The following CALCR variants were observed in gnomAD, a reference collection of about 807,000 sequenced individuals.
The protein encoded by CALCR is calcitonin receptor.
CALCR carries 47 observed loss-of-function variants against 59.5 expected under a neutral mutation model. The ratio of observed to expected loss-of-function variants is 0.79; its 90% CI spans 0.63 to 1.01. The LOEUF (loss-of-function observed/expected upper bound fraction) is 1.01, where lower values mean the gene tolerates loss of function less well. Ranked by LOEUF, CALCR falls within the 50% of genes least tolerant of loss-of-function variation. CALCR has a pLI of 0.00. For synonymous variants in CALCR, 213 were observed against 211.3 expected, an observed-to-expected ratio of 1.01 and a Z score of -0.07; for missense variants, 566 against 597.1, an observed-to-expected ratio of 0.95 and a Z score of 0.54.
At chr7:93,476,268 CT>C (rs1800663962) in intron 5 of CALCR, among the ~76,000 whole-genome samples, 1 of 151,780 alleles carries the variant, frequency 6.6e-6, no homozygotes, top group Non-Finnish European at 1.5e-5. Flanking sequence ...ATGTCAGCCT[CT>C]TTTGAATTTC....
intron 2 of CALCR, among the ~76,000 whole-genome samples, chr7:93,487,377 A>C (rs990130531): frequency 6.6e-6 from 1 of 151,522 alleles, no homozygotes; most frequent in African/African-American, 2.4e-5. Flanking sequence ...AAGTCACCTC[A>C]CTGGACATGA....
intron 8 of CALCR, among the ~76,000 whole-genome samples, chr7:93,460,595 A>ATATATATATATATATATATATATATG (rs1800310231): frequency 5.5e-4 from 43 of 77,786 alleles, no homozygotes; most frequent in Non-Finnish European, 8.8e-4. Context: ...ATATATATGT[A>ATATATATATATATATATATATATATG]TATATATATA....
intron 2 of CALCR, among the ~76,000 whole-genome samples, chr7:93,505,687 CT>C (rs1376300125): frequency 6.6e-6 from 1 of 152,148 alleles, no homozygotes; most frequent in East Asian, 1.9e-4. Flanking sequence ...TAAGCCATGT[CT>C]ACAAAATAGG....
At chr7:93,448,943 T>C (rs1205266951) in intron 8 of CALCR, among the ~76,000 whole-genome samples, 1 of 151,972 alleles carries the variant, frequency 6.6e-6, no homozygotes, top group Non-Finnish European at 1.5e-5. Flanking sequence ...GTTTCTTTAG[T>C]TACTAGAGGG....
At chr7:93,485,848 AC>A (rs1313667166) in intron 3 of CALCR, among the ~76,000 whole-genome samples, 1 of 151,672 alleles carries the variant, frequency 6.6e-6, no homozygotes, top group Non-Finnish European at 1.5e-5. Flanking sequence ...AATAAGTTAT[AC>A]TCATTATCCA....
chr7:93,551,156 T>TA (rs1789446493), intron 2 of CALCR, among the ~76,000 whole-genome samples: 3 of 152,330 alleles, frequency 2.0e-5, no homozygotes, highest in African/African-American at 7.2e-5. Context: ...ACACTATGTA[T>TA]AAAAGCAAGT....
chr7:93,498,374 G>C (rs1475794044), intron 2 of CALCR, among the ~76,000 whole-genome samples: 1 of 151,570 alleles, frequency 6.6e-6, no homozygotes, highest in East Asian at 1.9e-4. Context: ...TCAGAATTGT[G>C]TGCAGTTCAG....
At chr7:93,507,231 AAC>A (rs34181575) in intron 2 of CALCR, among the ~76,000 whole-genome samples, 58,383 of 149,336 alleles carry the variant, frequency 0.39, 11,893 homozygotes, top group African/African-American at 0.52. Context: ...TTCCTTGTTG[AAC>A]ACACACACAC....
chr7:93,543,270 G>A (rs1421785732), intron 2 of CALCR, among the ~76,000 whole-genome samples: 2 of 152,054 alleles, frequency 1.3e-5, no homozygotes, highest in Non-Finnish European at 2.9e-5. Context: ...TCAGCCTCCA[G>A]AGCAGCTGAG....
At chr7:93,459,242 G>GAGATTTGATTA (rs1800269149) in intron 8 of CALCR, among the ~76,000 whole-genome samples, 1 of 152,114 alleles carries the variant, frequency 6.6e-6, no homozygotes, top group Non-Finnish European at 1.5e-5. Flanking sequence ...GTGTTACTAA[G>GAGATTTGATTA]CCCTCACTGA....
chr7:93,565,572 A>G (rs909660506), intron 2 of CALCR, among the ~76,000 whole-genome samples: 1 of 152,230 alleles, frequency 6.6e-6, no homozygotes, highest in Admixed American at 6.5e-5. Context: ...GAAGCCACCC[A>G]GTAAATTTTT....
intron 2 of CALCR, among the ~76,000 whole-genome samples, chr7:93,539,726 G>A (rs574262879): frequency 6.6e-6 from 1 of 152,132 alleles, no homozygotes; most frequent in Non-Finnish European, 1.5e-5. Context: ...AATGGGGAAA[G>A]GCAGAGCATT....
chr7:93,457,007 C>T lies in CALCR; in HGVS notation c.648+3814G>A, dbSNP rs565155956. On this transcript the variant is annotated intron_variant, in intron 8 of 13. Coordinates refer to ENST00000426151, the MANE Select transcript of CALCR (RefSeq NM_001742.4). ...ACTAGGTGATACAGGAGCTGCAGGG[C>T]ATATGTGTTTTGACTTAGTGGTGGC... Among the ~76,000 whole-genome samples, 19 of 152,274 alleles carry T rather than the reference C, an allele frequency of 1.2e-4. No individual in the cohort carries two copies. In the South Asian group the frequency reaches 2.7e-3, roughly 22 times the overall value.
chr7:93,469,576 C>T (rs1165585201), intron 6 of CALCR, among the ~76,000 whole-genome samples: 2 of 151,684 alleles, frequency 1.3e-5, no homozygotes, highest in African/African-American at 4.8e-5. Flanking sequence ...TCTGGTCTCT[C>T]TCTCTCTCTT....
chr7:93,468,849 TTCA>T lies in CALCR; in HGVS notation c.430-46_430-44del, dbSNP rs757712201. The T allele has an allele frequency of 3.7e-5, 21 of 570,366 alleles. No homozygotes were observed. The African/African-American group carries it at 3.8e-4, about 10-fold the overall frequency. The allele number at this position is 570,366 out of a possible 1,614,324, so 35.3% of individuals were successfully genotyped here. On this transcript the variant is annotated intron_variant, in intron 6 of 13. Coordinates refer to ENST00000426151, the MANE Select transcript of CALCR (RefSeq NM_001742.4). Reference sequence around the variant, plus strand: ...AAACAAACAAACAATGAATGAATGATTCATCAGAGAGAAAATCATTTCTATTTC... The same window carrying T: ...AAACAAACAAACAATGAATGAATGATTCAGAGAGAAAATCATTTCTATTTC...
At chr7:93,469,414 A>G (rs555270222) in intron 6 of CALCR, among the ~76,000 whole-genome samples, 6 of 151,676 alleles carry the variant, frequency 4.0e-5, no homozygotes, top group African/African-American at 1.4e-4. Flanking sequence ...CATAAAATGC[A>G]TAATGTCATA....
At chr7:93,484,670 A>G (rs551796163) in intron 3 of CALCR, among the ~76,000 whole-genome samples, 1 of 151,942 alleles carries the variant, frequency 6.6e-6, no homozygotes, top group Non-Finnish European at 1.5e-5. Flanking sequence ...TACTTACATT[A>G]TATAAACAAC....
chr7:93,568,553 C>CTCTCTCTG (rs1563024015), intron 2 of CALCR, among the ~76,000 whole-genome samples: 1 of 137,602 alleles, frequency 7.3e-6, no homozygotes, highest in African/African-American at 2.8e-5. Flanking sequence ...CTCTCTCTCT[C>CTCTCTCTG]TCTGTCTCTC....
chr7:93,543,718 T>G (rs1789207242), intron 2 of CALCR, among the ~76,000 whole-genome samples: 1 of 152,166 alleles, frequency 6.6e-6, no homozygotes, highest in Non-Finnish European at 1.5e-5. Context: ...GGGATCATAC[T>G]GTAACTAGTT....
Sources: gnomAD v4.1 joint callset for allele counts (sites outside exome capture counted in the v4.1 genomes callset) on GRCh38, gnomAD v4.1.1 for gene constraint, MANE v1.5 for transcripts, NCBI Gene and HGNC (gene_info 2026-07-23, HGNC 2026-07-21) for gene names.